The following CPSF1 variants were observed in gnomAD, a reference collection of about 807,000 sequenced individuals.
The protein encoded by CPSF1 is cleavage and polyadenylation specificity factor subunit 1.
Under a neutral mutation model 175.8 loss-of-function variants are expected in CPSF1, and 106 were observed. That is an observed-to-expected ratio of 0.60 (90% CI 0.52 to 0.71). The LOEUF is 0.71. Among genes scored for constraint, CPSF1 ranks in the 30% least tolerant of loss-of-function variants. The pLI is 0.00. For missense variants in CPSF1, 1,734 were observed against 2,022.9 expected (o/e 0.86, Z 2.74); for synonymous variants, 1,024 against 858.3 (o/e 1.19, Z -3.37).
chr8:144,395,336 C>G lies in CPSF1; in HGVS notation c.3116G>C (p.Ser1039Thr), dbSNP rs1554863335. ...VESKVYAVAT[S>T]TNTPCARIPR... ...GATGCGGGCACACGGCGTGTTGGTG[C>G]TGGTGGCCACAGCATACACCTGTGG... The change falls in exon 28 of 38, where the codon AGC becomes ACC. Residue 1039 changes from serine to threonine, a missense_variant. By Grantham distance (58) the Ser-to-Thr change is moderately conservative (BLOSUM62 1). This residue lies in a region of CPSF1 where 585 missense variants were observed against 584.7 expected (regional missense o/e 1.00). Coordinates refer to ENST00000616140, the MANE Select transcript of CPSF1 (RefSeq NM_013291.3). The G allele has an allele frequency of 6.2e-7, 1 of 1,613,346 alleles. No individual in the cohort carries two copies.
At chr8:144,395,411 G>T in intron 27 of CPSF1, 24 bp downstream of exon 27, 1 of 1,612,860 alleles carries the variant, frequency 6.2e-7, no homozygotes, top group Non-Finnish European at 8.5e-7. Context: ...GAAGGTCCCT[G>T]GTGGGGTGGG....
rs2116912688 is a variant in CPSF1, at chr8:144,409,015, C to T, written c.144G>A (p.Glu48=). The T allele has an allele frequency of 6.2e-7, 1 of 1,612,734 alleles. No individual in the cohort carries two copies. Among genetic ancestry groups the T allele is most frequent in the Non-Finnish European group, 8.5e-7 (1 of 1,179,576 alleles). ...GGAGGGCTCCCAGGGCCCGACCTAC[C>T]TCGGCGTCGCGGTTGAGGCGGTACA... The part of the protein sequence containing the change: ...LYVYRLNRDA[E]ALTKNDRSTE... The change falls in exon 2 of 38, where the codon GAG becomes GAA. Residue 48 remains glutamate, a splice_region_variant and synonymous_variant. Transcript: ENST00000616140.
intron 26 of CPSF1, chr8:144,395,829 CCA>C: frequency 1.8e-6 from 1 of 549,506 alleles, no homozygotes; most frequent in East Asian, 3.1e-5. Flanking sequence ...AAAGGGCAGC[CCA>C]CAGACTGCCA....
In CPSF1 at chr8:144,400,716, T is replaced by G. The variant is rs2116877581; in HGVS notation, c.641A>C (p.Glu214Ala). The G allele has an allele frequency of 2.5e-6, 4 of 1,612,524 alleles. No individual in the cohort carries two copies. The South Asian group carries it at 3.3e-5, about 13-fold the overall frequency. The change falls in exon 7 of 38, where the codon GAG becomes GCG. Residue 214 changes from glutamate (E) to alanine (A), a missense_variant. By Grantham distance (107) the Glu-to-Ala change is moderately radical (BLOSUM62 -1). Coordinates refer to ENST00000616140, the MANE Select transcript of CPSF1 (RefSeq NM_013291.3). ...CTCAAACAGGATGAGGAGGGTAGGC[T>G]CGTAGTAGCCATGCAGGAACTGCAG... ...IDLQFLHGYY[E>A]PTLLILFEPN...
intron 9 of CPSF1, 31 bp downstream of exon 9, chr8:144,400,135 G>GGGGGCCCCCCCCCC: frequency 7.8e-6 from 7 of 896,004 alleles, no homozygotes; most frequent in Non-Finnish European, 1.1e-5. Context: ...CCGTCCCCGG[G>GGGGGCCCCCCCCCC]CCCCCCCCGC....
intron 9 of CPSF1, 31 bp downstream of exon 9, chr8:144,400,135 G>GGGGGCCCCCCCCCCCCCCCCCCCCCC: frequency 2.2e-5 from 20 of 895,988 alleles, no homozygotes; most frequent in Non-Finnish European, 2.6e-5. Flanking sequence ...CCGTCCCCGG[G>GGGGGCCCCCCCCCCCCCCCCCCCCCC]CCCCCCCCGC....
Position 144,393,667 on chromosome 8 carries a change from C to T in CPSF1, c.4145G>A (p.Arg1382Gln), listed in dbSNP as rs1275981414. Residue 1382 changes from arginine to glutamine, a missense_variant and splice_region_variant, in exon 36 of 38, where the codon CGG becomes CAG. By Grantham distance (43) the Arg-to-Gln change is conservative. Coordinates refer to ENST00000616140, the MANE Select transcript of CPSF1 (RefSeq NM_013291.3). ...HHAGLNPRAF[R>Q]MLHVDRRTLQ... ...GCACGGGGGCGGGGCCGGGGCTCACCGGAAGGCGCGGGGGTTGAGGCCGGC... is the reference window on the plus strand; with the variant it reads ...GCACGGGGGCGGGGCCGGGGCTCACTGGAAGGCGCGGGGGTTGAGGCCGGC... The T allele has an allele frequency of 1.3e-6, 2 of 1,563,772 alleles. No individual in the cohort carries two copies. The highest frequency in any genetic ancestry group is 1.3e-5 in the African/African-American group (1 of 74,534).
chr8:144,407,318 C>T (rs576664148), intron 2 of CPSF1, among the ~76,000 whole-genome samples: 2 of 151,398 alleles, frequency 1.3e-5, no homozygotes, highest in Non-Finnish European at 2.9e-5. Context: ...TGGGCTTGAG[C>T]GATCCTCCCA....
Position 144,399,543 on chromosome 8 carries a change from G to A in CPSF1, c.1243-40C>T, listed in dbSNP as rs1554865586. ...GGGCACTGAGTGGCATGCCACAGCA[G>A]TGCCCACATGAAGGGTGGTGGCCCA... is the stretch of plus-strand genomic sequence containing the variant. On this transcript the variant is annotated intron_variant, in intron 12 of 37. Coordinates refer to ENST00000616140, the MANE Select transcript of CPSF1 (RefSeq NM_013291.3). The surrounding 1 kb of genome is among the most constrained non-coding windows in gnomAD (Gnocchi z 6.4). 3.1e-6 allele frequency: 5 copies of A among 1,611,848 alleles called. No homozygotes were observed. The highest frequency in any genetic ancestry group is 4.2e-6 in the Non-Finnish European group (5 of 1,179,432).
chr8:144,394,653 G>A lies in CPSF1; in HGVS notation c.3558C>T (p.Ile1186=), dbSNP rs781881999. 6 of 1,607,210 alleles carry A rather than the reference G, an allele frequency of 3.7e-6. No individual in the cohort carries two copies. The highest frequency in any genetic ancestry group is 4.5e-5 in the East Asian group (2 of 44,694). Residue 1186 remains isoleucine (I), a synonymous_variant, in exon 31 of 38, where the codon ATC becomes ATT. Transcript: ENST00000616140. ...GGTGGGACTGGCACACCTTCTGGCC[G>A]ATGGCCGACACCAGGTGGCCATTGC... is the stretch of plus-strand genomic sequence containing the variant. ...CHCNGHLVSA[I]GQKIFLWSLR... is the part of the protein sequence containing the mutation.
chr8:144,398,031 T>C lies in CPSF1; in HGVS notation c.1996A>G (p.Thr666Ala). 6.2e-7 allele frequency: 1 copy of C among 1,612,236 alleles called. No individual in the cohort carries two copies. ...GAGTCACTCTTCAGCAGGAACATGG[T>C]GACGTGGCCCTCGGCACTCATGATG... ...VVIMSAEGHV[T>A]MFLLKSDSYG... Residue 666 changes from threonine to alanine, a missense_variant, in exon 20 of 38, where the codon ACC (threonine) becomes GCC (alanine). Thr to Ala is a moderately conservative substitution (Grantham distance 58, BLOSUM62 0). Coordinates refer to ENST00000616140, the MANE Select transcript of CPSF1 (RefSeq NM_013291.3).
intron 2 of CPSF1, among the ~76,000 whole-genome samples, chr8:144,405,343 C>T (rs1821437656): frequency 6.6e-6 from 1 of 152,192 alleles, no homozygotes; most frequent in African/African-American, 2.4e-5. Context: ...AATGTCTTGG[C>T]CGGGCTCCGT....
At position 144,399,215 on chromosome 8, in the gene CPSF1, A is replaced by T. The variant is rs1457743357; in HGVS notation, c.1393-13T>A. ...TGCTGTCACACACCTGCGGCACAGC[A>T]AGAGTCAGGGGCCCGCTGGGGGCGC... On this transcript the variant is annotated splice_polypyrimidine_tract_variant and intron_variant, in intron 14 of 37. Transcript: ENST00000616140. This position sits in a 1 kb window ranked among gnomAD's most constrained non-coding sequence, Gnocchi z 6.4. 1 of 1,611,192 alleles carries T rather than the reference A, an allele frequency of 6.2e-7. No homozygotes were observed. Among genetic ancestry groups the T allele is most frequent in the African/African-American group, 1.3e-5 (1 of 74,896 alleles).
intron 2 of CPSF1, among the ~76,000 whole-genome samples, chr8:144,406,554 G>A (rs1403675701): frequency 6.6e-6 from 1 of 152,218 alleles, no homozygotes; most frequent in East Asian, 1.9e-4. Context: ...TATTCTGGGT[G>A]ATCTCAACCA....
At position 144,393,444 on chromosome 8, in the gene CPSF1, G is replaced by C. The variant is rs781790085; in HGVS notation, c.4284+8C>G. 3 of 1,546,842 alleles carry C rather than the reference G, an allele frequency of 1.9e-6. No homozygotes were observed. In the Middle Eastern group the frequency reaches 6.7e-4, roughly 345 times the overall value. Reference sequence around the variant, plus strand: ...GCGGGGCGCGCGGGGGGCGGGGCGCGCACTCACTATGTCTGGTGTGGTGCC... The same window carrying C: ...GCGGGGCGCGCGGGGGGCGGGGCGCCCACTCACTATGTCTGGTGTGGTGCC... On this transcript the variant is annotated splice_region_variant and intron_variant, in intron 37 of 37. Coordinates refer to ENST00000616140, the MANE Select transcript of CPSF1 (RefSeq NM_013291.3).
intron 26 of CPSF1, chr8:144,396,005 G>A (rs549868389): frequency 9.7e-6 from 4 of 412,724 alleles, no homozygotes; most frequent in South Asian, 3.2e-5. Flanking sequence ...GAAAGCCTGT[G>A]TGCCCTCCCA....
rs781944843 is a variant in CPSF1, at chr8:144,393,386, G to A, written c.4285-21C>T. 8.5e-4 allele frequency: 570 copies of A among 669,362 alleles called. 7 individuals carry two copies. The highest frequency in any genetic ancestry group is 1.2e-3 in the Non-Finnish European group (485 of 415,870). The allele number at this position is 669,362 out of a possible 1,614,324, so 41.5% of individuals were successfully genotyped here. A position where few individuals can be genotyped will look rare whatever the true frequency, so the allele number is the denominator to read the frequency against. ...AGGATCTGCAGGGGATGGAAGGGTGGGTGGGTGGGTGGGTGGGGATGCACA... is the reference window on the plus strand; with the variant it reads ...AGGATCTGCAGGGGATGGAAGGGTGAGTGGGTGGGTGGGTGGGGATGCACA... On this transcript the variant is annotated intron_variant, in intron 37 of 37. Coordinates refer to ENST00000616140, the MANE Select transcript of CPSF1 (RefSeq NM_013291.3).
chr8:144,399,192 C>T lies in CPSF1; in HGVS notation c.1403G>A (p.Ser468Asn), dbSNP rs2116860080. ...GGCACAGGGTCCAATGTTCAGGATGCTGTCACACACCTGCGGCACAGCAAG... is the reference window on the plus strand; with the variant it reads ...GGCACAGGGTCCAATGTTCAGGATGTTGTCACACACCTGCGGCACAGCAAG... ...LATYSFEVCDSILNIGPCANA... is the reference protein window; with the variant it reads ...LATYSFEVCDNILNIGPCANA... Residue 468 changes from serine to asparagine, a missense_variant, in exon 15 of 38, where the codon AGC (serine) becomes AAC (asparagine). By Grantham distance (46) the Ser-to-Asn change is conservative. Coordinates refer to ENST00000616140, the MANE Select transcript of CPSF1 (RefSeq NM_013291.3). This position sits in a 1 kb window ranked among gnomAD's most constrained non-coding sequence, Gnocchi z 6.4. The T allele has an allele frequency of 5.6e-6, 9 of 1,608,950 alleles. No homozygotes were observed. Among genetic ancestry groups the T allele is most frequent in the Non-Finnish European group, 7.6e-6 (9 of 1,178,378 alleles).
rs368508789 is a variant in CPSF1, at chr8:144,393,917, C to T, written c.3981G>A (p.Ser1327=). 2.6e-5 allele frequency: 42 copies of T among 1,613,136 alleles called. No individual in the cohort carries two copies. The highest frequency in any genetic ancestry group is 1.6e-4 in the African/African-American group (12 of 74,884). The change falls in exon 35 of 38, where the codon TCG becomes TCA. Residue 1327 remains serine (S), a synonymous_variant. Transcript: ENST00000616140. ...TGATGTGCTTATTCTCCCACACGAC[C>T]GACTTTTTGCTGAGCCCTTCAGTGG... ...RGATEGLSKK[S]VVWENKHITW...
Sources: gnomAD v4.1 joint callset for allele counts (sites outside exome capture counted in the v4.1 genomes callset) on GRCh38, gnomAD v4.1.1 for gene constraint, gnomAD v4.1.1 regional missense constraint, Gnocchi (gnomAD v3.1) non-coding constraint, MANE v1.5 for transcripts, NCBI Gene and HGNC (gene_info 2026-07-23, HGNC 2026-07-21) for gene names.